ITK: variants seen among roughly 807,000 people sequenced by gnomAD.
ITK encodes the protein tyrosine-protein kinase ITK/TSK.
Under a neutral mutation model 87.6 loss-of-function variants are expected in ITK, and 45 were observed. The ratio of observed to expected loss-of-function variants is 0.51; its 90% CI spans 0.40 to 0.66. The LOEUF is 0.66. Among genes scored for constraint, ITK ranks in the 30% least tolerant of loss-of-function variants. ITK has a pLI of 0.00. For synonymous variants in ITK, 303 were observed against 273.6 expected (o/e 1.11, Z -1.06); for missense variants, 605 against 766.3 (o/e 0.79, Z 2.48).
At chr5:157,182,361 G>T (rs1753551192) in intron 1 of ITK, among the ~76,000 whole-genome samples, 1 of 152,040 alleles carries the variant, frequency 6.6e-6, no homozygotes, top group South Asian at 2.1e-4. Flanking sequence ...GGTCAGGCTG[G>T]GTATAGAGCC....
chr5:157,209,126 G>A (rs1754136348), intron 2 of ITK, 133 bp downstream of exon 2: 1 of 713,016 alleles, frequency 1.4e-6, no homozygotes, highest in Admixed American at 2.0e-5. Flanking sequence ...ACGAGGTCAG[G>A]AGTTCAAGAC....
At chr5:157,185,432 G>A (rs1041516663) in intron 1 of ITK, among the ~76,000 whole-genome samples, 8 of 151,908 alleles carry the variant, frequency 5.3e-5, no homozygotes, top group South Asian at 2.1e-4. Context: ...TAGTAGAGAC[G>A]GGGTTTCACC....
At chr5:157,193,103 T>C (rs993633903) in intron 1 of ITK, among the ~76,000 whole-genome samples, 3 of 152,156 alleles carry the variant, frequency 2.0e-5, no homozygotes, top group Admixed American at 2.0e-4. Flanking sequence ...ACACCTATAG[T>C]CCAGCTATTT....
chr5:157,206,956 A>G (rs1227556140), intron 1 of ITK, among the ~76,000 whole-genome samples: 2 of 152,110 alleles, frequency 1.3e-5, no homozygotes, highest in South Asian at 2.1e-4. Context: ...AAATGTATAC[A>G]TTTGTCAAAA....
chr5:157,247,857 T>A (rs1755054451), intron 15 of ITK, among the ~76,000 whole-genome samples: 1 of 152,268 alleles, frequency 6.6e-6, no homozygotes. Context: ...TCAATTTTTT[T>A]ATCTATACAT....
At chr5:157,242,509 C>T (rs142317929) in intron 11 of ITK, among the ~76,000 whole-genome samples, 102 of 152,300 alleles carry the variant, frequency 6.7e-4, no homozygotes, top group African/African-American at 2.4e-3. Flanking sequence ...TGATCTCCCT[C>T]TGTCACCCAG....
At chr5:157,225,478 A>G (rs2113762690) in intron 6 of ITK, among the ~76,000 whole-genome samples, 1 of 152,080 alleles carries the variant, frequency 6.6e-6, no homozygotes, top group African/African-American at 2.4e-5. Context: ...AAAAAAAAAA[A>G]GAGGGGCACA....
chr5:157,181,945 T>C (rs919163208), intron 1 of ITK, among the ~76,000 whole-genome samples: 6 of 152,254 alleles, frequency 3.9e-5, no homozygotes, highest in Admixed American at 1.3e-4. Context: ...GACCAAACTC[T>C]ACTTCTCAGT....
intron 2 of ITK, among the ~76,000 whole-genome samples, chr5:157,209,798 A>G (rs1754151612): frequency 6.6e-6 from 1 of 152,236 alleles, no homozygotes; most frequent in Non-Finnish European, 1.5e-5. Flanking sequence ...ATTTAAATGT[A>G]TTAAACGATA....
intron 1 of ITK, among the ~76,000 whole-genome samples, chr5:157,193,558 G>A (rs568119775): frequency 6.6e-6 from 1 of 152,226 alleles, no homozygotes; most frequent in South Asian, 2.1e-4. Flanking sequence ...CATTCATTAT[G>A]TTATCCTATT....
At chr5:157,191,694 G>C (rs1230685655) in intron 1 of ITK, among the ~76,000 whole-genome samples, 1 of 151,964 alleles carries the variant, frequency 6.6e-6, no homozygotes. Context: ...TCATATATAT[G>C]ATTTTTTAAT....
chr5:157,219,216 G>T (rs1401590388), intron 5 of ITK, among the ~76,000 whole-genome samples: 1 of 150,904 alleles, frequency 6.6e-6, no homozygotes, highest in Non-Finnish European at 1.5e-5. Context: ...AGGTTCAAGC[G>T]ATTCTCCTGC....
At chr5:157,242,364 G>C (rs1031439600) in intron 11 of ITK, among the ~76,000 whole-genome samples, 2 of 152,116 alleles carry the variant, frequency 1.3e-5, no homozygotes, top group Admixed American at 1.3e-4. Context: ...CTCCTAGCTT[G>C]GTGGTTCTCA....
Position 157,213,163 on chromosome 5 carries a change from C to T in ITK, c.326-1028C>T, listed in dbSNP as rs141448780. 4.7e-3 allele frequency among the ~76,000 whole-genome samples: 720 copies of T among 152,232 alleles called. 9 individuals are homozygous for T. The highest frequency in any genetic ancestry group is 0.016 in the African/African-American group (677 of 41,526). On this transcript the variant is annotated intron_variant, in intron 3 of 16. Transcript: ENST00000422843. The stretch of plus-strand genomic sequence containing the variant: ...ATCATGGTGGAAGGTGAAGGGGAGG[C>T]AATCACCTTATTCACAAGGTGGCAG...
chr5:157,181,909 A>G (rs10475928), intron 1 of ITK, among the ~76,000 whole-genome samples: 2,522 of 152,356 alleles, frequency 0.017, 32 homozygotes, highest in African/African-American at 0.028. Context: ...AGTTTGGTAG[A>G]AAAAGCATTG....
chr5:157,205,893 A>G (rs1486071695), intron 1 of ITK, among the ~76,000 whole-genome samples: 5 of 151,300 alleles, frequency 3.3e-5, no homozygotes, highest in African/African-American at 1.2e-4. Context: ...TATTTACGTG[A>G]TGAATTACAT....
At chr5:157,193,618 A>G (rs922646865) in intron 1 of ITK, among the ~76,000 whole-genome samples, 2 of 152,224 alleles carry the variant, frequency 1.3e-5, no homozygotes, top group South Asian at 2.1e-4. Context: ...GAAACTAAGT[A>G]TCTCTATCTA....
intron 1 of ITK, among the ~76,000 whole-genome samples, chr5:157,187,343 A>G (rs1753665222): frequency 6.6e-6 from 1 of 152,230 alleles, no homozygotes; most frequent in South Asian, 2.1e-4. Flanking sequence ...AGTGTCTGGC[A>G]CACACTATTC....
intron 3 of ITK, among the ~76,000 whole-genome samples, chr5:157,212,809 C>T (rs368457074): frequency 3.3e-5 from 5 of 150,834 alleles, no homozygotes; most frequent in Non-Finnish European, 5.9e-5. Flanking sequence ...CCAAGTGAGC[C>T]GAGCCTGGGT....
Sources: gnomAD v4.1 joint callset for allele counts (sites outside exome capture counted in the v4.1 genomes callset) on GRCh38, gnomAD v4.1.1 for gene constraint, MANE v1.5 for transcripts, NCBI Gene and HGNC (gene_info 2026-07-23, HGNC 2026-07-21) for gene names.